The following TVP23B variants were observed in gnomAD, a reference collection of about 807,000 sequenced individuals.
TVP23B encodes the protein trans-golgi network vesicle protein 23 homolog B.
TVP23B carries 10 observed loss-of-function variants against 30.6 expected under a neutral mutation model. The observed-to-expected ratio is 0.33, with a 90% CI of 0.20 to 0.55. The LOEUF (loss-of-function observed/expected upper bound fraction) is 0.55, where lower values mean the gene tolerates loss of function less well. Ranked by LOEUF, TVP23B falls within the 20% of genes least tolerant of loss-of-function variation. TVP23B has a pLI of 0.91. For missense variants in TVP23B, 153 were observed against 243.2 expected (o/e 0.63, Z 2.47); for synonymous variants, 67 against 83.1 (o/e 0.81, Z 1.06).
chr17:18,805,957 T>C lies in TVP23B; in HGVS notation c.*390T>C. On this transcript the variant is annotated 3_prime_UTR_variant, in exon 7 of 7. Transcript: ENST00000307767. ...GTTCTTAGTCTGTCTCAAAGCTCTA[T>C]ATGTTTACATATTATTTCTGTAGAT... The C allele has an allele frequency of 1.0e-6, 1 of 979,088 alleles. No homozygotes were observed. Among genetic ancestry groups the C allele is most frequent in the African/African-American group, 1.7e-5 (1 of 57,778 alleles). The allele number at this position is 979,088 out of a possible 1,614,324, so 60.7% of individuals were successfully genotyped here. A position where few individuals can be genotyped will look rare whatever the true frequency, so the allele number is the denominator to read the frequency against.
chr17:18,800,428 T>C (rs1358700989), intron 5 of TVP23B, among the ~76,000 whole-genome samples: 1 of 152,246 alleles, frequency 6.6e-6, no homozygotes, highest in African/African-American at 2.4e-5. Context: ...CTTTTACTTA[T>C]TGGTTGGCTA....
chr17:18,802,300 A>G (rs1399756418), intron 5 of TVP23B, among the ~76,000 whole-genome samples: 1 of 152,166 alleles, frequency 6.6e-6, no homozygotes, highest in Non-Finnish European at 1.5e-5. Context: ...CAGTCTCTCC[A>G]TGAGTCTCCC....
At chr17:18,784,045 T>A (rs901143813) in intron 1 of TVP23B, among the ~76,000 whole-genome samples, 3 of 151,980 alleles carry the variant, frequency 2.0e-5, no homozygotes, top group African/African-American at 7.3e-5. Context: ...CTCGGGAAGC[T>A]GAGGCAGGAG....
intron 2 of TVP23B, 62 bp from the exon 3 acceptor site, chr17:18,790,834 A>G: frequency 6.7e-7 from 1 of 1,491,190 alleles, no homozygotes; most frequent in Non-Finnish European, 9.2e-7. Flanking sequence ...ATTTTTCTCT[A>G]CATTTGCTAG....
chr17:18,805,840 A>G lies in TVP23B; in HGVS notation c.*273A>G. ...ACATTCCATAGGTATGCACACGGCC[A>G]TGTAATATCAGTATATCCCAAGTTA... is the stretch of plus-strand genomic sequence containing the variant. On this transcript the variant is annotated 3_prime_UTR_variant, in exon 7 of 7. Coordinates refer to ENST00000307767, the MANE Select transcript of TVP23B (RefSeq NM_016078.6). 8.1e-7 allele frequency: 1 copy of G among 1,239,842 alleles called. No individual in the cohort carries two copies. The allele number at this position is 1,239,842 out of a possible 1,614,324, so 76.8% of individuals were successfully genotyped here.
At chr17:18,800,633 GT>G (rs994641052) in intron 5 of TVP23B, among the ~76,000 whole-genome samples, 81 of 144,108 alleles carry the variant, frequency 5.6e-4, no homozygotes, top group African/African-American at 4.5e-4. Context: ...CTCATAAGGT[GT>G]TTTTTTTTTT....
At chr17:18,782,714 A>T (rs2035827330) in intron 1 of TVP23B, among the ~76,000 whole-genome samples, 1 of 152,088 alleles carries the variant, frequency 6.6e-6, no homozygotes, top group Non-Finnish European at 1.5e-5. Flanking sequence ...TAGATCATAG[A>T]GAGTAACTTC....
chr17:18,798,736 T>G (rs1282748108), intron 4 of TVP23B, 76 bp from the exon 5 acceptor site: 3 of 1,552,016 alleles, frequency 1.9e-6, no homozygotes, highest in Non-Finnish European at 2.6e-6. Context: ...GTGGGTAATA[T>G]GTTTTTTATT....
intron 1 of TVP23B, among the ~76,000 whole-genome samples, chr17:18,786,804 T>C (rs1015168273): frequency 2.8e-4 from 43 of 151,188 alleles, no homozygotes; most frequent in Middle Eastern, 3.4e-3. Flanking sequence ...TACTTGACCA[T>C]TTCTTAGACA....
chr17:18,784,473 C>T (rs1356844550), intron 1 of TVP23B, among the ~76,000 whole-genome samples: 7 of 152,048 alleles, frequency 4.6e-5, no homozygotes, highest in East Asian at 1.9e-4. Context: ...GGTGAAACCC[C>T]GTCTCTACTA....
At chr17:18,787,137 A>G (rs1476791) in intron 1 of TVP23B, among the ~76,000 whole-genome samples, 67,651 of 151,466 alleles carry the variant, frequency 0.45, 13,883 homozygotes, top group Non-Finnish European at 0.48. Context: ...GCTCACACCT[A>G]TAATCCCAGC....
intron 1 of TVP23B, among the ~76,000 whole-genome samples, chr17:18,782,849 A>T: frequency 6.7e-6 from 1 of 150,136 alleles, no homozygotes; most frequent in African/African-American, 2.5e-5. Context: ...CTTTATTGCA[A>T]CCTGTTTTTT....
intron 1 of TVP23B, chr17:18,781,569 G>T: frequency 1.9e-6 from 1 of 519,080 alleles, no homozygotes. Flanking sequence ...GCGAGTGGGG[G>T]TCTCTCTTTC....
rs1210993002 is a variant in TVP23B at position 18,798,958 on chromosome 17, A to G, written c.462+15A>G. 2.5e-6 allele frequency: 4 copies of G among 1,603,974 alleles called. No individual in the cohort carries two copies. Among genetic ancestry groups the G allele is most frequent in the Non-Finnish European group, 3.4e-6 (4 of 1,176,278 alleles). ...TAAAGTGGTTGGTGAGTATCAGTGT[A>G]GAACTTTCAAATAATCCATTAAGAT... On this transcript the variant is annotated intron_variant, in intron 5 of 6. Coordinates refer to ENST00000307767, the MANE Select transcript of TVP23B (RefSeq NM_016078.6).
At chr17:18,800,565 T>C (rs1230048464) in intron 5 of TVP23B, among the ~76,000 whole-genome samples, 1 of 152,202 alleles carries the variant, frequency 6.6e-6, no homozygotes, top group Non-Finnish European at 1.5e-5. Context: ...ATCATTTTCT[T>C]TCACTGAATA....
intron 1 of TVP23B, among the ~76,000 whole-genome samples, chr17:18,788,060 C>T (rs542664774): frequency 9.3e-4 from 133 of 142,580 alleles, no homozygotes; most frequent in Non-Finnish European, 1.4e-3. Flanking sequence ...GTTATGGGGC[C>T]GGGCATGGTG....
intron 3 of TVP23B, among the ~76,000 whole-genome samples, chr17:18,795,166 A>G (rs1488111860): frequency 1.3e-5 from 2 of 151,538 alleles, no homozygotes; most frequent in East Asian, 1.9e-4. Context: ...AGCTGAGACT[A>G]CAGGCATGCA....
At chr17:18,801,893 C>T (rs2036172435) in intron 5 of TVP23B, among the ~76,000 whole-genome samples, 1 of 152,164 alleles carries the variant, frequency 6.6e-6, no homozygotes, top group Non-Finnish European at 1.5e-5. Context: ...ATTTTTCACT[C>T]ATGCAAAAAT....
intron 3 of TVP23B, 83 bp downstream of exon 3, chr17:18,791,123 G>A (rs1387947719): frequency 1.6e-6 from 2 of 1,272,036 alleles, no homozygotes; most frequent in Admixed American, 6.5e-5. Flanking sequence ...TTGCATTATT[G>A]TTAATCTTTT....
Sources: gnomAD v4.1 joint callset for allele counts (sites outside exome capture counted in the v4.1 genomes callset) on GRCh38, gnomAD v4.1.1 for gene constraint, MANE v1.5 for transcripts, NCBI Gene and HGNC (gene_info 2026-07-23, HGNC 2026-07-21) for gene names.